The following MGAT4C variants were observed in gnomAD, a reference collection of about 807,000 sequenced individuals.
MGAT4C encodes the protein alpha-1,3-mannosyl-glycoprotein 4-beta-N-acetylglucosaminyltransferase C.
MGAT4C carries 19 observed loss-of-function variants against 40.1 expected under a neutral mutation model. That is an observed-to-expected ratio of 0.47 (90% CI 0.33 to 0.70). MGAT4C has a LOEUF of 0.70. Among genes scored for constraint, MGAT4C ranks in the 30% least tolerant of loss-of-function variants. The pLI, the probability that MGAT4C is intolerant of heterozygous loss-of-function variation, is 0.02. For synonymous variants in MGAT4C, 181 were observed against 187.1 expected (o/e 0.97, Z 0.27); for missense variants, 491 against 563.2 (o/e 0.87, Z 1.30).
chr12:86,619,584 T>G (rs756349906), intron 2 of MGAT4C, among the ~76,000 whole-genome samples: 3 of 152,178 alleles, frequency 2.0e-5, no homozygotes, highest in Admixed American at 6.5e-5. Context: ...CCTTCAAATA[T>G]TCTATACAAC....
At chr12:86,518,193 G>GAAC (rs1361542471) in intron 2 of MGAT4C, among the ~76,000 whole-genome samples, 1 of 152,034 alleles carries the variant, frequency 6.6e-6, no homozygotes, top group African/African-American at 2.4e-5. Flanking sequence ...CCAACTGCAT[G>GAAC]AACAACAACA....
intron 1 of MGAT4C, among the ~76,000 whole-genome samples, chr12:86,233,287 G>A (rs55979919): frequency 0.054 from 8,222 of 152,230 alleles, 751 homozygotes; most frequent in African/African-American, 0.19. Flanking sequence ...TGAAGTATTG[G>A]TGCTTACTCA....
At chr12:86,168,764 T>A (rs567141194) in intron 1 of MGAT4C, among the ~76,000 whole-genome samples, 1 of 152,234 alleles carries the variant, frequency 6.6e-6, no homozygotes, top group South Asian at 2.1e-4. Flanking sequence ...GATGAAACCA[T>A]GTGAGAATTT....
At chr12:86,118,633 T>C (rs1274652118) in intron 1 of MGAT4C, among the ~76,000 whole-genome samples, 1 of 152,108 alleles carries the variant, frequency 6.6e-6, no homozygotes, top group Non-Finnish European at 1.5e-5. Context: ...TTTTTATTAG[T>C]GAAAAATGAT....
chr12:86,001,392 T>C (rs1887278241), intron 2 of MGAT4C: 1 of 152,588 alleles, frequency 6.6e-6, no homozygotes, highest in African/African-American at 2.4e-5. Context: ...CTTTAACCAG[T>C]GTTATAATTT....
intron 1 of MGAT4C, among the ~76,000 whole-genome samples, chr12:86,074,713 G>A (rs939502426): frequency 1.3e-5 from 2 of 152,142 alleles, no homozygotes; most frequent in African/African-American, 4.8e-5. Context: ...GGCTGGGGAA[G>A]CCTCACAATC....
chr12:86,335,802 C>T (rs1954774207), intron 3 of MGAT4C, among the ~76,000 whole-genome samples: 1 of 152,058 alleles, frequency 6.6e-6, no homozygotes, highest in Non-Finnish European at 1.5e-5. Context: ...GACATTAAGG[C>T]ACCAAAATGT....
At chr12:86,377,327 G>C (rs1955848441) in intron 3 of MGAT4C, among the ~76,000 whole-genome samples, 1 of 152,154 alleles carries the variant, frequency 6.6e-6, no homozygotes, top group East Asian at 1.9e-4. Flanking sequence ...CCAAAGTGCT[G>C]GGATTACAGG....
At chr12:85,992,352 T>C (rs909814432) in intron 2 of MGAT4C, among the ~76,000 whole-genome samples, 5 of 152,132 alleles carry the variant, frequency 3.3e-5, no homozygotes, top group African/African-American at 1.2e-4. Context: ...TGAAAGGAAA[T>C]CTTGGGGCAA....
At chr12:86,055,778 AGG>A (rs374897085) in intron 1 of MGAT4C, among the ~76,000 whole-genome samples, 8 of 152,168 alleles carry the variant, frequency 5.3e-5, no homozygotes, top group African/African-American at 1.9e-4. Context: ...GTGAGGGTAA[AGG>A]GAGAATAGTA....
In MGAT4C at chr12:86,320,992, C is replaced by A. The variant is rs74996241; in HGVS notation, c.-57+13073G>T. Among the ~76,000 whole-genome samples the A allele has an allele frequency of 5.8e-3, 883 of 151,952 alleles. 7 individuals are homozygous for A. Among genetic ancestry groups the A allele is most frequent in the Non-Finnish European group, 8.1e-3 (547 of 67,922 alleles). ...CTAAACAATTAAGATAGGAAAAAAT[C>A]AAAAATGTACCCTAAAAAACTTCTA... is the stretch of plus-strand genomic sequence containing the variant. On this transcript the variant is annotated intron_variant, in intron 4 of 7. Coordinates refer to the MGAT4C transcript ENST00000548651.
chr12:86,424,949 G>A (rs913471844), intron 3 of MGAT4C, among the ~76,000 whole-genome samples: 1 of 151,934 alleles, frequency 6.6e-6, no homozygotes, highest in Non-Finnish European at 1.5e-5. Context: ...GTAGAGACGG[G>A]GTTTCACCGT....
At chr12:86,261,033 G>C (rs970804168), upstream of MGAT4C, among the ~76,000 whole-genome samples, 1 of 151,906 alleles carries the variant, frequency 6.6e-6, no homozygotes, top group Non-Finnish European at 1.5e-5. Context: ...CTACTCATAA[G>C]TATTAAACAG....
At chr12:86,837,536 A>C (rs1407975232) in intron 1 of MGAT4C, among the ~76,000 whole-genome samples, 2 of 152,112 alleles carry the variant, frequency 1.3e-5, no homozygotes, top group African/African-American at 2.4e-5. Context: ...TCTGTGTTCC[A>C]GTCCATACAG....
intron 2 of MGAT4C, among the ~76,000 whole-genome samples, chr12:86,647,779 A>G (rs1963583301): frequency 6.6e-6 from 1 of 151,826 alleles, no homozygotes; most frequent in Admixed American, 6.6e-5. Context: ...AAGTTAGTTG[A>G]CTCCCTAATG....
chr12:86,358,690 A>C (rs1363002568), intron 3 of MGAT4C, among the ~76,000 whole-genome samples: 2 of 152,216 alleles, frequency 1.3e-5, no homozygotes, highest in African/African-American at 4.8e-5. Context: ...GTCTCTGATG[A>C]AACAGACTTT....
chr12:86,227,392 C>G (rs1274137180), intron 1 of MGAT4C, among the ~76,000 whole-genome samples: 2 of 151,962 alleles, frequency 1.3e-5, no homozygotes, highest in East Asian at 1.9e-4. Flanking sequence ...ATCTGACTTA[C>G]TATTTCTCTC....
intron 4 of MGAT4C, among the ~76,000 whole-genome samples, chr12:86,290,769 C>G (rs1388665090): frequency 6.6e-6 from 1 of 151,150 alleles, no homozygotes; most frequent in Non-Finnish European, 1.5e-5. Flanking sequence ...GAAACCATAA[C>G]CCATGGTAAC....
chr12:86,709,297 G>T (rs971753730), intron 2 of MGAT4C, among the ~76,000 whole-genome samples: 1 of 152,172 alleles, frequency 6.6e-6, no homozygotes, highest in African/African-American at 2.4e-5. Context: ...GGCTTCCCCA[G>T]CCACGTGGAA....
Sources: gnomAD v4.1 joint callset for allele counts (sites outside exome capture counted in the v4.1 genomes callset) on GRCh38, gnomAD v4.1.1 for gene constraint, MANE v1.5 for transcripts, NCBI Gene and HGNC (gene_info 2026-07-23, HGNC 2026-07-21) for gene names.